BICC1: variants seen among roughly 807,000 people sequenced by gnomAD.
BICC1 encodes the protein protein bicaudal C homolog 1.
A neutral mutation model predicts 111.0 loss-of-function variants in BICC1; 43 were observed. That is an observed-to-expected ratio of 0.39 (90% confidence interval 0.30 to 0.50). The LOEUF is 0.50. Ranked by LOEUF, BICC1 falls within the 20% of genes least tolerant of loss-of-function variation. The pLI is 0.88. For synonymous variants in BICC1, 467 were observed against 434.4 expected (o/e 1.07, Z -0.93); for missense variants, 1,091 against 1,203.2 (o/e 0.91, Z 1.38).
chr10:58,677,460 A>G (rs1839380930), intron 2 of BICC1, among the ~76,000 whole-genome samples: 1 of 152,132 alleles, frequency 6.6e-6, no homozygotes, highest in African/African-American at 2.4e-5. Flanking sequence ...TCGGAGATGG[A>G]AGATCAGCTT....
At chr10:58,584,866 G>A (rs1589119287) in intron 1 of BICC1, among the ~76,000 whole-genome samples, 1 of 151,908 alleles carries the variant, frequency 6.6e-6, no homozygotes, top group Admixed American at 6.6e-5. Context: ...GAGTGCGGAA[G>A]AGTTTTACAA....
At chr10:58,574,169 T>C (rs1277807481) in intron 1 of BICC1, among the ~76,000 whole-genome samples, 1 of 152,168 alleles carries the variant, frequency 6.6e-6, no homozygotes, top group African/African-American at 2.4e-5. Context: ...ATTTGTTACA[T>C]GCACTGTGCT....
intron 2 of BICC1, among the ~76,000 whole-genome samples, chr10:58,685,119 T>C (rs912061154): frequency 1.3e-5 from 2 of 152,188 alleles, no homozygotes; most frequent in African/African-American, 4.8e-5. Flanking sequence ...GCCTTCATTT[T>C]GTTATGTACC....
At position 58,786,916 on chromosome 10, in the gene BICC1, C is replaced by T. The variant is rs756480966; in HGVS notation, c.388-7C>T. On this transcript the variant is annotated splice_polypyrimidine_tract_variant and splice_region_variant and intron_variant, in intron 4 of 20. Transcript: ENST00000373886. ...ACATCAAGTAATAATACATTATTTT[C>T]ACATAGAGCAATCGAGTCACACTGA... 2.6e-6 allele frequency: 4 copies of T among 1,563,418 alleles called. No homozygotes were observed. In the East Asian group the frequency reaches 9.4e-5, roughly 37 times the overall value.
chr10:58,823,189 T>C, intron 20 of BICC1: 1 of 981,322 alleles, frequency 1.0e-6, no homozygotes, highest in Non-Finnish European at 1.2e-6. Context: ...CACCACGGCC[T>C]CAGGTAGATC....
chr10:58,658,341 C>G (rs1206356373), intron 2 of BICC1, among the ~76,000 whole-genome samples: 3 of 152,070 alleles, frequency 2.0e-5, no homozygotes, highest in Non-Finnish European at 4.4e-5. Context: ...GTGCACGCCA[C>G]CAAGTCCAGC....
chr10:58,567,338 A>T (rs1843799185), intron 1 of BICC1, among the ~76,000 whole-genome samples: 1 of 151,836 alleles, frequency 6.6e-6, no homozygotes, highest in African/African-American at 2.4e-5. Flanking sequence ...TATTTGGATG[A>T]TTTTTTCTCC....
intron 1 of BICC1, among the ~76,000 whole-genome samples, chr10:58,611,435 A>C (rs1477367616): frequency 1.3e-5 from 2 of 150,812 alleles, no homozygotes; most frequent in African/African-American, 4.9e-5. Context: ...ACAGACTTTT[A>C]TACAGAATTT....
chr10:58,635,864 A>G (rs1055378012), intron 2 of BICC1, among the ~76,000 whole-genome samples: 1 of 152,084 alleles, frequency 6.6e-6, no homozygotes, highest in Non-Finnish European at 1.5e-5. Context: ...CCTCTCCATT[A>G]GTTATATATT....
chr10:58,685,596 G>T (rs1050502706), intron 2 of BICC1, among the ~76,000 whole-genome samples: 4 of 152,066 alleles, frequency 2.6e-5, no homozygotes, highest in African/African-American at 9.7e-5. Flanking sequence ...TCTTCTTGTG[G>T]AATTGATCCC....
chr10:58,794,159 C>G (rs1217572416), intron 9 of BICC1, among the ~76,000 whole-genome samples: 1 of 138,644 alleles, frequency 7.2e-6, no homozygotes, highest in Admixed American at 7.4e-5. Flanking sequence ...AGGCTACTTA[C>G]ATGTTTTGTG....
At chr10:58,645,683 C>T (rs1048339090) in intron 2 of BICC1, among the ~76,000 whole-genome samples, 1 of 152,154 alleles carries the variant, frequency 6.6e-6, no homozygotes, top group Non-Finnish European at 1.5e-5. Flanking sequence ...GTCCCATTGG[C>T]ATTTTGCGGC....
At chr10:58,513,488 C>T (rs1438213840) in intron 1 of BICC1, among the ~76,000 whole-genome samples, 155 bp downstream of exon 1, 2 of 152,242 alleles carry the variant, frequency 1.3e-5, no homozygotes, top group East Asian at 3.9e-4. Context: ...CACCCAGGGA[C>T]TGGAGACTTC....
At position 58,709,971 on chromosome 10, in the gene BICC1, T is replaced by C. The variant is rs573231310; in HGVS notation, c.307+7828T>C. 3.3e-5 allele frequency among the ~76,000 whole-genome samples: 5 copies of C among 152,286 alleles called. No homozygotes were observed. In the East Asian group the frequency reaches 9.7e-4, roughly 29 times the overall value. On this transcript the variant is annotated intron_variant, in intron 3 of 20. Coordinates refer to ENST00000373886, the MANE Select transcript of BICC1 (RefSeq NM_001080512.3). Reference sequence around the variant, plus strand: ...AGCCTCCTGGTAGACCTCCAGACTATAGTTGTTTTGGTTGTGGTTATTTTA... The same window carrying C: ...AGCCTCCTGGTAGACCTCCAGACTACAGTTGTTTTGGTTGTGGTTATTTTA...
chr10:58,691,032 A>T (rs1292104218), intron 2 of BICC1, among the ~76,000 whole-genome samples: 3 of 152,322 alleles, frequency 2.0e-5, no homozygotes, highest in Non-Finnish European at 2.9e-5. Context: ...TATTTAATGT[A>T]TACAACTTGA....
intron 1 of BICC1, among the ~76,000 whole-genome samples, chr10:58,586,681 C>CA (rs1844441334): frequency 6.6e-6 from 1 of 151,252 alleles, no homozygotes; most frequent in South Asian, 2.1e-4. Context: ...TACATACCCA[C>CA]ACACACTATA....
At chr10:58,799,299 A>G (rs1469871934) in intron 12 of BICC1, 47 bp downstream of exon 12, 16 of 1,425,810 alleles carry the variant, frequency 1.1e-5, no homozygotes, top group South Asian at 1.5e-5. Context: ...ACTGTTTGTA[A>G]GAGACAAACC....
intron 1 of BICC1, among the ~76,000 whole-genome samples, chr10:58,547,401 AGT>A (rs1843169268): frequency 1.3e-5 from 2 of 152,116 alleles, no homozygotes; most frequent in African/African-American, 4.8e-5. Context: ...TTGGGGAGGA[AGT>A]CTAAAGAGGT....
chr10:58,638,350 A>G (rs919580989), intron 2 of BICC1, among the ~76,000 whole-genome samples: 3 of 152,182 alleles, frequency 2.0e-5, no homozygotes, highest in African/African-American at 7.2e-5. Context: ...AAACAGCTTA[A>G]AAATGTCAAA....
Sources: gnomAD v4.1 joint callset for allele counts (sites outside exome capture counted in the v4.1 genomes callset) on GRCh38, gnomAD v4.1.1 for gene constraint, MANE v1.5 for transcripts, NCBI Gene and HGNC (gene_info 2026-07-23, HGNC 2026-07-21) for gene names.